The following GPR39 variants were observed in gnomAD, a reference collection of about 807,000 sequenced individuals.
GPR39 encodes zinc sensing receptor.
A neutral mutation model predicts 18.4 loss-of-function variants in GPR39; 23 were observed. The ratio of observed to expected loss-of-function variants is 1.25; its 90% CI spans 0.90 to 1.77. The LOEUF (loss-of-function observed/expected upper bound fraction) is 1.77. Among genes scored for constraint, GPR39 ranks in the 40% most tolerant of loss-of-function variants. The pLI, the probability that GPR39 is intolerant of heterozygous loss-of-function variation, is 0.00. For synonymous variants in GPR39, 280 were observed against 257.9 expected (o/e 1.09, Z -0.82); for missense variants, 647 against 602.4 (o/e 1.07, Z -0.78).
Position 132,646,021 on chromosome 2 carries a change from G to A in GPR39, c.*415G>A. The stretch of plus-strand genomic sequence containing the variant: ...GGCGAGGGCTGGAAGAACAATGCAG[G>A]AGGGGGTGGCATCTCCTTCAGCTTC... On this transcript the variant is annotated 3_prime_UTR_variant, in exon 2 of 2. Coordinates refer to ENST00000329321, the MANE Select transcript of GPR39 (RefSeq NM_001508.3). 1 of 1,499,940 alleles carries A rather than the reference G, an allele frequency of 6.7e-7. No homozygotes were observed. The highest frequency in any genetic ancestry group is 1.3e-5 in the South Asian group (1 of 76,036). The allele number at this position is 1,499,940 out of a possible 1,614,324, so 92.9% of individuals were successfully genotyped here.
intron 1 of GPR39, among the ~76,000 whole-genome samples, chr2:132,494,330 G>T (rs569075275): frequency 6.6e-6 from 1 of 152,232 alleles, no homozygotes; most frequent in South Asian, 2.1e-4. Context: ...CTAATGACAT[G>T]AACGTGTTTA....
intron 1 of GPR39, among the ~76,000 whole-genome samples, chr2:132,642,281 C>A (rs1057276844): frequency 4.6e-5 from 7 of 152,164 alleles, no homozygotes; most frequent in African/African-American, 1.7e-4. Flanking sequence ...CCCAGAAAAC[C>A]AAACTTCCCC....
intron 1 of GPR39, among the ~76,000 whole-genome samples, chr2:132,536,476 T>G (rs1194678856): frequency 6.6e-6 from 1 of 152,314 alleles, no homozygotes; most frequent in Non-Finnish European, 1.5e-5. Flanking sequence ...CTGAGCAGTG[T>G]TTTACTTCCA....
At chr2:132,431,532 G>A (rs1274752504) in intron 1 of GPR39, among the ~76,000 whole-genome samples, 2 of 152,312 alleles carry the variant, frequency 1.3e-5, no homozygotes, top group African/African-American at 2.4e-5. Context: ...TCTGTCTCTA[G>A]GGCAGTTACT....
intron 1 of GPR39, among the ~76,000 whole-genome samples, chr2:132,448,522 A>G (rs532291131): frequency 6.6e-6 from 1 of 152,306 alleles, no homozygotes; most frequent in African/African-American, 2.4e-5. Flanking sequence ...TTTGTCAAAC[A>G]CACGTCAGCG....
At chr2:132,480,923 C>T (rs1161838033) in intron 1 of GPR39, among the ~76,000 whole-genome samples, 5 of 152,228 alleles carry the variant, frequency 3.3e-5, no homozygotes, top group East Asian at 1.9e-4. Flanking sequence ...AAATTAAGGG[C>T]GAGTTGCACA....
At chr2:132,477,308 C>G (rs1444702860) in intron 1 of GPR39, among the ~76,000 whole-genome samples, 1 of 152,092 alleles carries the variant, frequency 6.6e-6, no homozygotes, top group Non-Finnish European at 1.5e-5. Context: ...CAAGGAAGGG[C>G]TTCTCAGGTG....
chr2:132,506,720 C>T (rs1435271158), intron 1 of GPR39, among the ~76,000 whole-genome samples: 2 of 152,094 alleles, frequency 1.3e-5, no homozygotes, highest in Admixed American at 6.6e-5. Context: ...GTAACCACTC[C>T]CATTATCTAA....
At chr2:132,550,381 C>T (rs1040544048) in intron 1 of GPR39, among the ~76,000 whole-genome samples, 1 of 152,212 alleles carries the variant, frequency 6.6e-6, no homozygotes, top group African/African-American at 2.4e-5. Context: ...CAGCGCGATA[C>T]AACGGAGGTA....
chr2:132,526,167 G>A (rs1203237608), intron 1 of GPR39, among the ~76,000 whole-genome samples: 1 of 152,182 alleles, frequency 6.6e-6, no homozygotes, highest in East Asian at 1.9e-4. Flanking sequence ...GCAGAAATAT[G>A]TGTGTGTAAT....
intron 1 of GPR39, among the ~76,000 whole-genome samples, chr2:132,457,022 G>T (rs185793693): frequency 1.2e-3 from 178 of 152,256 alleles, no homozygotes; most frequent in Admixed American, 2.6e-3. Flanking sequence ...TGGAATGCTG[G>T]CCTGCCTTGC....
chr2:132,643,612 C>G (rs1681910855), intron 1 of GPR39, among the ~76,000 whole-genome samples: 1 of 152,216 alleles, frequency 6.6e-6, no homozygotes, highest in South Asian at 2.1e-4. Context: ...CTCCTGGGCT[C>G]AAGTGATCCT....
At chr2:132,642,221 T>C (rs774353535) in intron 1 of GPR39, among the ~76,000 whole-genome samples, 39 of 152,238 alleles carry the variant, frequency 2.6e-4, no homozygotes, top group Non-Finnish European at 4.4e-4. Flanking sequence ...GGTCTTTGTC[T>C]CTCTTGTTCT....
chr2:132,457,952 G>T (rs7560813), intron 1 of GPR39, among the ~76,000 whole-genome samples: 76,033 of 152,206 alleles, frequency 0.5, 20,802 homozygotes, highest in Non-Finnish European at 0.62. Context: ...GCATGGGAAA[G>T]AATCTCCTTG....
At chr2:132,510,524 C>T (rs1679221185) in intron 1 of GPR39, among the ~76,000 whole-genome samples, 1 of 152,126 alleles carries the variant, frequency 6.6e-6, no homozygotes, top group Non-Finnish European at 1.5e-5. Context: ...TGAAACAGAG[C>T]CTGGACTATT....
chr2:132,431,851 G>A (rs1033246637), intron 1 of GPR39, among the ~76,000 whole-genome samples: 2 of 152,280 alleles, frequency 1.3e-5, no homozygotes, highest in East Asian at 1.9e-4. Context: ...CACATTTGAC[G>A]GCTTAAAACA....
At chr2:132,643,134 A>G (rs937825675) in intron 1 of GPR39, among the ~76,000 whole-genome samples, 1 of 152,184 alleles carries the variant, frequency 6.6e-6, no homozygotes, top group African/African-American at 2.4e-5. Context: ...TGTTGTTCCT[A>G]TCCAGCATCT....
intron 1 of GPR39, among the ~76,000 whole-genome samples, chr2:132,479,261 C>T (rs1428488086): frequency 6.6e-6 from 1 of 152,104 alleles, no homozygotes; most frequent in Non-Finnish European, 1.5e-5. Flanking sequence ...GAGATGAGAC[C>T]TGCGAATTAA....
intron 1 of GPR39, among the ~76,000 whole-genome samples, chr2:132,420,127 T>G (rs1476532399): frequency 6.6e-6 from 1 of 152,220 alleles, no homozygotes; most frequent in Admixed American, 6.5e-5. Flanking sequence ...CCTTCTTTCC[T>G]ATACCAACTG....
Sources: allele counts gnomAD v4.1 joint callset (sites outside exome capture counted in the v4.1 genomes callset), GRCh38; gene constraint gnomAD v4.1.1; transcripts MANE v1.5; gene names NCBI Gene and HGNC (gene_info 2026-07-23, HGNC 2026-07-21).